The following INPP4B variants were observed in gnomAD, a reference collection of about 807,000 sequenced individuals.
INPP4B encodes inositol polyphosphate-4-phosphatase type II B.
In INPP4B, 55 loss-of-function variants were observed where a neutral mutation model predicts 122.5. That is an observed-to-expected ratio of 0.45 (90% CI 0.36 to 0.56). The LOEUF is 0.56. INPP4B is among the 20% of genes least tolerant of loss of function. The probability of loss-of-function intolerance (pLI) is 0.00; values close to 1 mark genes in which losing one functional copy is unlikely to be tolerated. For synonymous variants in INPP4B, 403 were observed against 388.7 expected (o/e 1.04, Z -0.43); for missense variants, 1,000 against 1,097.7 (o/e 0.91, Z 1.26).
chr4:142,625,215 T>C (rs900097592), intron 2 of INPP4B, among the ~76,000 whole-genome samples: 3 of 152,072 alleles, frequency 2.0e-5, no homozygotes, highest in Admixed American at 6.6e-5. Flanking sequence ...GAGGACATGA[T>C]TGTATATCTA....
intron 15 of INPP4B, among the ~76,000 whole-genome samples, chr4:142,185,398 G>GTGTATATA (rs1553999975): frequency 4.1e-5 from 6 of 147,120 alleles, no homozygotes; most frequent in Admixed American, 1.4e-4. Context: ...ATGTGTGTGT[G>GTGTATATA]TATATATATA....
rs1040628080 is a variant in INPP4B, at chr4:142,732,634, C to T, written c.-253-6733G>A. On this transcript the variant is annotated intron_variant, in intron 1 of 25. Transcript: ENST00000262992. ...AGAATAAAATCTAACAAAAGATGTT[C>T]GTGATATCTACACCAAAAATCTACA... 8.0e-5 allele frequency among the ~76,000 whole-genome samples: 12 copies of T among 149,942 alleles called. 1 individual carries two copies. Among genetic ancestry groups the T allele is most frequent in the Admixed American group, 2.7e-4 (4 of 15,092 alleles).
chr4:142,766,282 G>T (rs1202553109), intron 1 of INPP4B, among the ~76,000 whole-genome samples: 1 of 152,040 alleles, frequency 6.6e-6, no homozygotes, highest in Non-Finnish European at 1.5e-5. Context: ...AGATATAAAT[G>T]TTTGTTTCTT....
intron 11 of INPP4B, among the ~76,000 whole-genome samples, chr4:142,253,548 C>A (rs963572474): frequency 1.3e-5 from 2 of 152,216 alleles, no homozygotes; most frequent in African/African-American, 4.8e-5. Context: ...TCGGGAAGTG[C>A]AAGGGGTCAG....
chr4:142,463,687 G>T (rs766886844), intron 2 of INPP4B, among the ~76,000 whole-genome samples: 3 of 152,116 alleles, frequency 2.0e-5, no homozygotes, highest in Non-Finnish European at 4.4e-5. Flanking sequence ...AATCATGGGG[G>T]TGGTTACCCA....
intron 3 of INPP4B, among the ~76,000 whole-genome samples, chr4:142,445,203 C>A (rs1286755541): frequency 2.0e-5 from 3 of 151,926 alleles, no homozygotes; most frequent in African/African-American, 7.3e-5. Context: ...AAAAAATTAT[C>A]CAGACTTAAA....
At position 142,096,153 on chromosome 4, in the gene INPP4B, G is replaced by T. The variant is rs1781689624; in HGVS notation, c.2375-9897C>A. 4 of 152,158 alleles carry T rather than the reference G, an allele frequency of 2.6e-5. No homozygotes were observed. In the South Asian group the frequency reaches 8.3e-4, roughly 32 times the overall value. 9.4% of individuals were successfully genotyped at this position (152,158 alleles called of 1,614,324 possible). On this transcript the variant is annotated intron_variant, in intron 23 of 25. Transcript: ENST00000262992. ...CATTATGTGCAGACTTACTAGACTG[G>T]TATACTGGGAGGCCAGCCAATCTTT...
chr4:142,073,714 T>A (rs150793427), intron 25 of INPP4B, among the ~76,000 whole-genome samples: 382 of 152,118 alleles, frequency 2.5e-3, no homozygotes, highest in African/African-American at 8.6e-3. Flanking sequence ...GTAGAAAAAA[T>A]CATTAGGCAG....
intron 1 of INPP4B, among the ~76,000 whole-genome samples, chr4:142,795,890 T>C (rs1266952444): frequency 6.6e-6 from 1 of 152,018 alleles, no homozygotes; most frequent in Admixed American, 6.6e-5. Context: ...AAATCCTTTT[T>C]CTAAAACTTC....
At chr4:142,235,504 C>A (rs927415145) in intron 12 of INPP4B, among the ~76,000 whole-genome samples, 1 of 152,166 alleles carries the variant, frequency 6.6e-6, no homozygotes, top group Non-Finnish European at 1.5e-5. Context: ...TCACTGCAAG[C>A]TCCGCCTCCC....
At chr4:142,387,368 C>G (rs999069165) in intron 7 of INPP4B, among the ~76,000 whole-genome samples, 2 of 150,998 alleles carry the variant, frequency 1.3e-5, no homozygotes, top group African/African-American at 4.9e-5. Flanking sequence ...TTCTTTCTGG[C>G]GTATACATTA....
intron 7 of INPP4B, among the ~76,000 whole-genome samples, chr4:142,391,710 A>C (rs779889993): frequency 2.6e-5 from 4 of 152,246 alleles, no homozygotes; most frequent in Non-Finnish European, 4.4e-5. Flanking sequence ...ATGATTCATC[A>C]TAGAAAAGAT....
At chr4:142,234,234 G>A (rs763024852) in intron 12 of INPP4B, among the ~76,000 whole-genome samples, 32 of 152,090 alleles carry the variant, frequency 2.1e-4, no homozygotes, top group South Asian at 6.2e-4. Flanking sequence ...TCATCCATTT[G>A]AACTTTTTTA....
chr4:142,236,727 C>G (rs925568862), intron 12 of INPP4B, among the ~76,000 whole-genome samples: 1 of 152,048 alleles, frequency 6.6e-6, no homozygotes, highest in African/African-American at 2.4e-5. Flanking sequence ...TAATAGTTTC[C>G]AATTTTACCT....
In INPP4B at chr4:142,027,934, A is replaced by G. The variant is rs1737537092; in HGVS notation, c.*848T>C. 5.4e-6 allele frequency: 1 copy of G among 185,206 alleles called. No homozygotes were observed. The highest frequency in any genetic ancestry group is 2.0e-4 in the South Asian group (1 of 5,112). 11.5% of individuals were successfully genotyped at this position (185,206 alleles called of 1,614,324 possible). On this transcript the variant is annotated 3_prime_UTR_variant, in exon 26 of 26. Transcript: ENST00000262992. ...ATGACTGCTAAGAAACATCTCAGAGATACCTCACTGACATTCATGAACTTC... is the reference window on the plus strand; with the variant it reads ...ATGACTGCTAAGAAACATCTCAGAGGTACCTCACTGACATTCATGAACTTC...
At chr4:142,176,989 T>A (rs905961303) in intron 15 of INPP4B, among the ~76,000 whole-genome samples, 8 of 152,164 alleles carry the variant, frequency 5.3e-5, no homozygotes, top group Non-Finnish European at 1.0e-4. Flanking sequence ...TCTCCTAACC[T>A]TTTTCATCAT....
intron 1 of INPP4B, among the ~76,000 whole-genome samples, chr4:142,787,437 T>C (rs1775915576): frequency 6.6e-6 from 1 of 152,148 alleles, no homozygotes; most frequent in Non-Finnish European, 1.5e-5. Flanking sequence ...CCTCTCCAGA[T>C]GCTGGCACCT....
chr4:142,582,283 A>G (rs1735266416), intron 2 of INPP4B, among the ~76,000 whole-genome samples: 2 of 152,116 alleles, frequency 1.3e-5, no homozygotes, highest in South Asian at 4.1e-4. Context: ...AAGGTCCAAG[A>G]GTGGACCTGG....
intron 14 of INPP4B, among the ~76,000 whole-genome samples, chr4:142,201,845 C>T (rs1333564455): frequency 6.6e-6 from 1 of 151,996 alleles, no homozygotes; most frequent in African/African-American, 2.4e-5. Context: ...TTGTACCCTG[C>T]TCTTTACGAT....
Sources: gnomAD v4.1 joint callset for allele counts (sites outside exome capture counted in the v4.1 genomes callset) on GRCh38, gnomAD v4.1.1 for gene constraint, MANE v1.5 for transcripts, NCBI Gene and HGNC (gene_info 2026-07-23, HGNC 2026-07-21) for gene names.